FLRT2: variants seen among roughly 807,000 people sequenced by gnomAD.
FLRT2 encodes leucine-rich repeat transmembrane protein FLRT2.
Under a neutral mutation model 40.0 loss-of-function variants are expected in FLRT2, and 15 were observed. The ratio of observed to expected loss-of-function variants is 0.38; its 90% CI spans 0.25 to 0.58. The LOEUF is 0.58. Among genes scored for constraint, FLRT2 ranks in the 20% least tolerant of loss-of-function variants. The pLI is 0.71. For missense variants in FLRT2, 726 were observed against 840.0 expected (o/e 0.86, Z 1.68); for synonymous variants, 380 against 336.8 (o/e 1.13, Z -1.41).
At chr14:85,555,286 T>C (rs1358034050) in intron 1 of FLRT2, among the ~76,000 whole-genome samples, 1 of 152,160 alleles carries the variant, frequency 6.6e-6, no homozygotes, top group East Asian at 1.9e-4. Context: ...CATCAGCAGA[T>C]CAGCAGTGTA....
intron 1 of FLRT2, among the ~76,000 whole-genome samples, chr14:85,533,483 G>C (rs1374983159): frequency 6.6e-6 from 1 of 152,040 alleles, no homozygotes; most frequent in East Asian, 2.0e-4. Flanking sequence ...AGGAGAGCCC[G>C]CCTAGCTCTC....
At chr14:85,579,387 G>A (rs1270162331) in intron 1 of FLRT2, among the ~76,000 whole-genome samples, 1 of 152,136 alleles carries the variant, frequency 6.6e-6, no homozygotes, top group Non-Finnish European at 1.5e-5. Flanking sequence ...TTCATACAGA[G>A]TTAACTGTGA....
intron 1 of FLRT2, among the ~76,000 whole-genome samples, chr14:85,542,176 T>C (rs1219522763): frequency 1.3e-5 from 2 of 152,204 alleles, no homozygotes; most frequent in South Asian, 2.1e-4. Flanking sequence ...TTTCAGAAGA[T>C]AATTTTCAAT....
intron 1 of FLRT2, among the ~76,000 whole-genome samples, chr14:85,534,422 G>T (rs1888517539): frequency 6.6e-6 from 1 of 152,148 alleles, no homozygotes; most frequent in Admixed American, 6.5e-5. Flanking sequence ...CAAATTTCAG[G>T]GGTGAAATAT....
At position 85,622,392 on chromosome 14, in the gene FLRT2, A is replaced by G; in HGVS notation, c.878A>G (p.Gln293Arg). 1 of 1,614,102 alleles carries G rather than the reference A, an allele frequency of 6.2e-7. No individual in the cohort carries two copies. The highest frequency in any genetic ancestry group is 8.5e-7 in the Non-Finnish European group (1 of 1,180,014). Reference protein sequence around the residue: ...ISNNQLRMLTQGVFDNLSNLK... With the variant: ...ISNNQLRMLTRGVFDNLSNLK... ...AACAACCAACTGCGGATGCTGACTCAAGGGGTTTTTGATAATCTCTCCAAC... is the reference window on the plus strand; with the variant it reads ...AACAACCAACTGCGGATGCTGACTCGAGGGGTTTTTGATAATCTCTCCAAC... The change falls in exon 2 of 2, where the codon CAA (glutamine) becomes CGA (arginine). Residue 293 changes from glutamine (Q) to arginine (R), a missense_variant. Gln to Arg is a conservative substitution (Grantham distance 43). This residue lies in a region of FLRT2 where 611 missense variants were observed against 690.0 expected (regional missense o/e 0.89). Coordinates refer to ENST00000330753, the MANE Select transcript of FLRT2 (RefSeq NM_013231.6).
At position 85,645,972 on chromosome 14, in the gene FLRT2, A is replaced by G. The variant is rs1210830281; in HGVS notation, c.*22475A>G. The G allele has an allele frequency of 6.6e-6, 1 of 150,626 alleles. No homozygotes were observed. The highest frequency in any genetic ancestry group is 1.9e-4 in the East Asian group (1 of 5,198). The allele number at this position is 150,626 out of a possible 1,614,324, so 9.3% of individuals were successfully genotyped here. The stretch of plus-strand genomic sequence containing the variant: ...GATTTCTTCTCTTATGGAAAGGACA[A>G]CTATCCATATTGAAATAGACAATTA... On this transcript the variant is annotated 3_prime_UTR_variant, in exon 2 of 2. Coordinates refer to ENST00000330753, the MANE Select transcript of FLRT2 (RefSeq NM_013231.6).
At chr14:85,610,337 T>A (rs1336186501) in intron 1 of FLRT2, among the ~76,000 whole-genome samples, 2 of 152,184 alleles carry the variant, frequency 1.3e-5, no homozygotes, top group Non-Finnish European at 2.9e-5. Flanking sequence ...AGGCTCTTGT[T>A]CTTGATAAAA....
chr14:85,533,643 C>G (rs1888441510), intron 1 of FLRT2, among the ~76,000 whole-genome samples: 1 of 152,068 alleles, frequency 6.6e-6, no homozygotes, highest in African/African-American at 2.4e-5. Context: ...AGGCGGGGGT[C>G]GCGGCGGCCG....
rs1269138586 is a variant in FLRT2, at chr14:85,650,957, T to C, written c.*27460T>C. 6.6e-6 allele frequency: 1 copy of C among 151,986 alleles called. No individual in the cohort carries two copies. Among genetic ancestry groups the C allele is most frequent in the Admixed American group, 6.6e-5 (1 of 15,210 alleles). The allele number at this position is 151,986 out of a possible 1,614,324, so 9.4% of individuals were successfully genotyped here. On this transcript the variant is annotated 3_prime_UTR_variant, in exon 2 of 2. Coordinates refer to ENST00000330753, the MANE Select transcript of FLRT2 (RefSeq NM_013231.6). ...CAACTCCTGGGCTCAAGAGATACTC[T>C]CCTGCCTTGGTTTCCTAAAGTGCTG...
chr14:85,616,383 T>C (rs1352533714), intron 1 of FLRT2, among the ~76,000 whole-genome samples: 1 of 152,216 alleles, frequency 6.6e-6, no homozygotes, highest in East Asian at 1.9e-4. Context: ...CAACTATTTT[T>C]ATCACCAACA....
At chr14:85,550,352 A>T (rs1429391763) in intron 1 of FLRT2, among the ~76,000 whole-genome samples, 1 of 152,194 alleles carries the variant, frequency 6.6e-6, no homozygotes, top group African/African-American at 2.4e-5. Flanking sequence ...AATGGCTGTT[A>T]GGAATCAGGT....
intron 1 of FLRT2, among the ~76,000 whole-genome samples, chr14:85,589,285 T>A (rs1891777472): frequency 6.6e-6 from 1 of 152,200 alleles, no homozygotes; most frequent in African/African-American, 2.4e-5. Context: ...TTATTGCCTC[T>A]CTTCTGCATA....
rs1029425617 is a variant in FLRT2, at chr14:85,648,014, C to G, written c.*24517C>G. 5 of 152,080 alleles carry G rather than the reference C, an allele frequency of 3.3e-5. No individual in the cohort carries two copies. Among genetic ancestry groups the G allele is most frequent in the African/African-American group, 1.2e-4 (5 of 41,408 alleles). 9.4% of individuals were successfully genotyped at this position (152,080 alleles called of 1,614,324 possible). On this transcript the variant is annotated 3_prime_UTR_variant, in exon 2 of 2. Coordinates refer to ENST00000330753, the MANE Select transcript of FLRT2 (RefSeq NM_013231.6). ...TGACTTTTTACCTCTTTCTTTTTCC[C>G]TACAATTTTATAAAAATGGTGATAC...
At chr14:85,603,204 C>G (rs979002958) in intron 1 of FLRT2, among the ~76,000 whole-genome samples, 1 of 152,154 alleles carries the variant, frequency 6.6e-6, no homozygotes, top group Non-Finnish European at 1.5e-5. Flanking sequence ...TGATTTATTT[C>G]TGAATTCCCT....
intron 1 of FLRT2, among the ~76,000 whole-genome samples, chr14:85,561,977 A>G (rs1277014514): frequency 2.0e-5 from 3 of 152,170 alleles, no homozygotes; most frequent in South Asian, 4.1e-4. Context: ...TGTCACTTCC[A>G]TGGACACATT....
intron 1 of FLRT2, among the ~76,000 whole-genome samples, chr14:85,560,269 A>G (rs1890223051): frequency 1.3e-5 from 2 of 152,122 alleles, no homozygotes; most frequent in African/African-American, 4.8e-5. Context: ...AGAAGGAGAA[A>G]TGTATTAGAA....
intron 1 of FLRT2, among the ~76,000 whole-genome samples, chr14:85,598,018 T>C (rs1426678107): frequency 6.6e-6 from 1 of 152,208 alleles, no homozygotes; most frequent in Non-Finnish European, 1.5e-5. Flanking sequence ...AAACTCTTTT[T>C]CTTATGGCTT....
chr14:85,543,266 T>G (rs1191848639), intron 1 of FLRT2, among the ~76,000 whole-genome samples: 2 of 152,242 alleles, frequency 1.3e-5, no homozygotes, highest in Non-Finnish European at 2.9e-5. Context: ...TTTTTAGAAT[T>G]TTTTTTCTGA....
At chr14:85,575,853 T>A (rs1891108609) in intron 1 of FLRT2, among the ~76,000 whole-genome samples, 3 of 152,170 alleles carry the variant, frequency 2.0e-5, no homozygotes, top group African/African-American at 7.2e-5. Flanking sequence ...AAAGAAGTGA[T>A]AATGCCACTT....
Sources: allele counts gnomAD v4.1 joint callset (sites outside exome capture counted in the v4.1 genomes callset), GRCh38; gene constraint gnomAD v4.1.1; regional missense constraint gnomAD v4.1.1; transcripts MANE v1.5; gene names NCBI Gene and HGNC (gene_info 2026-07-23, HGNC 2026-07-21).